Variants in TMED3 observed in about 807,000 individuals in gnomAD.
The protein encoded by TMED3 is transmembrane p24 trafficking protein 3, also known as transmembrane emp24 domain-containing protein 3.
In TMED3, 9 loss-of-function variants were observed where a neutral mutation model predicts 15.0. The observed-to-expected ratio is 0.60, with a 90% CI of 0.36 to 1.04. The LOEUF (loss-of-function observed/expected upper bound fraction) is 1.04, where lower values mean the gene tolerates loss of function less well. TMED3 is among the 50% of genes least tolerant of loss of function. The pLI is 0.01. For synonymous variants in TMED3, 117 were observed against 121.4 expected (o/e 0.96, Z 0.24); for missense variants, 267 against 278.9 (o/e 0.96, Z 0.30).
chr15:79,313,467 T>C (rs2058726024), intron 1 of TMED3, among the ~76,000 whole-genome samples: 1 of 152,210 alleles, frequency 6.6e-6, no homozygotes, highest in South Asian at 2.1e-4. Flanking sequence ...CAGTTTCTTC[T>C]TCTGTAAAAT....
rs370013859 is a variant in TMED3 at position 79,311,266 on chromosome 15, C to G, written c.17C>G (p.Pro6Arg). 6.2e-7 allele frequency: 1 copy of G among 1,602,454 alleles called. No individual in the cohort carries two copies. Among genetic ancestry groups the G allele is most frequent in the African/African-American group, 1.3e-5 (1 of 74,634 alleles). Residue 6 changes from proline (P) to arginine (R), a missense_variant, in exon 1 of 3, where the codon CCG becomes CGG. By Grantham distance (103) the Pro-to-Arg change is moderately radical. Coordinates refer to ENST00000299705, the MANE Select transcript of TMED3 (RefSeq NM_007364.4). ...GAGAGCATCATGGGCAGCACTGTCC[C>G]GCGCTCCGCCTCCGTGCTGCTTCTG... MGSTV[P>R]RSASVLLLLL...
chr15:79,372,341 T>C (rs1046981080), intron 2 of TMED3, among the ~76,000 whole-genome samples: 1 of 152,198 alleles, frequency 6.6e-6, no homozygotes, highest in Non-Finnish European at 1.5e-5. Context: ...ACTTTTATTG[T>C]TCTAAGGTCC....
At chr15:79,400,067 T>C (rs947988665) in intron 2 of TMED3, among the ~76,000 whole-genome samples, 1 of 152,182 alleles carries the variant, frequency 6.6e-6, no homozygotes, top group African/African-American at 2.4e-5. Context: ...CTTCTGCCTT[T>C]CTCTCCAGCC....
chr15:79,390,484 C>T (rs552206978), intron 2 of TMED3, among the ~76,000 whole-genome samples: 8 of 151,990 alleles, frequency 5.3e-5, no homozygotes, highest in African/African-American at 1.7e-4. Flanking sequence ...TTGTTGGATT[C>T]GTTAGCTAGT....
At chr15:79,413,677 C>T (rs1024330377) in exon 3 of TMED3, 30 of 152,170 alleles carry the variant, frequency 2.0e-4, no homozygotes, top group African/African-American at 7.2e-4. Flanking sequence ...CTTTACATAG[C>T]TCTTGTTCAA....
chr15:79,358,730 C>T (rs1336906895), intron 2 of TMED3, among the ~76,000 whole-genome samples: 1 of 152,206 alleles, frequency 6.6e-6, no homozygotes, highest in Admixed American at 6.5e-5. Context: ...TTCTTATTTG[C>T]CTGATGCTTA....
intron 2 of TMED3, among the ~76,000 whole-genome samples, chr15:79,352,737 C>A (rs1342143993): frequency 3.5e-5 from 5 of 141,200 alleles, no homozygotes; most frequent in Non-Finnish European, 6.1e-5. Context: ...GGTACTCTTG[C>A]TAGTTCTAAT....
At chr15:79,392,449 T>G (rs1893709175) in intron 2 of TMED3, among the ~76,000 whole-genome samples, 1 of 152,194 alleles carries the variant, frequency 6.6e-6, no homozygotes, top group African/African-American at 2.4e-5. Flanking sequence ...CCTTCTAGCT[T>G]GTAGGGTTTC....
chr15:79,387,880 ATTTTCTG>A (rs1270915419), intron 2 of TMED3, among the ~76,000 whole-genome samples: 7 of 151,910 alleles, frequency 4.6e-5, no homozygotes, highest in African/African-American at 1.7e-4. Context: ...TTAAATTTTC[ATTTTCTG>A]TTTGTTGCTG....
chr15:79,386,686 G>T lies in TMED3; in HGVS notation c.418-24714G>T, dbSNP rs192959482. Among the ~76,000 whole-genome samples the T allele has an allele frequency of 5.9e-4, 88 of 148,930 alleles. 1 individual carries two copies. Among genetic ancestry groups the T allele is most frequent in the Middle Eastern group, 6.9e-3 (2 of 288 alleles). On this transcript the variant is annotated intron_variant, in intron 2 of 2. Coordinates refer to the TMED3 transcript ENST00000424155. ...CCCGAGTAGCTGGGATTACAGGTGT[G>T]GGCCACCATGCCTGGCTATTTTTTT...
intron 2 of TMED3, among the ~76,000 whole-genome samples, chr15:79,336,340 G>A (rs979254193): frequency 6.6e-6 from 1 of 152,170 alleles, no homozygotes; most frequent in Non-Finnish European, 1.5e-5. Flanking sequence ...CTGGATCTGG[G>A]GGTGTCTTGA....
chr15:79,331,845 A>G (rs937323930), intron 2 of TMED3, among the ~76,000 whole-genome samples: 1 of 152,190 alleles, frequency 6.6e-6, no homozygotes, highest in African/African-American at 2.4e-5. Context: ...CAAAACCACA[A>G]CAAGGTATCA....
intron 2 of TMED3, among the ~76,000 whole-genome samples, chr15:79,401,424 G>C (rs1893832280): frequency 6.6e-6 from 1 of 152,206 alleles, no homozygotes; most frequent in Admixed American, 6.5e-5. Flanking sequence ...AGATTTCCTA[G>C]ACCAGTGATT....
chr15:79,366,585 A>C (rs1474124429), intron 2 of TMED3, among the ~76,000 whole-genome samples: 12 of 152,208 alleles, frequency 7.9e-5, no homozygotes, highest in Admixed American at 7.9e-4. Flanking sequence ...TGAAGGAACT[A>C]AAGATTTTCC....
At chr15:79,312,814 T>C (rs950135569) in intron 1 of TMED3, among the ~76,000 whole-genome samples, 3 of 152,322 alleles carry the variant, frequency 2.0e-5, no homozygotes, top group Admixed American at 6.5e-5. Context: ...TGTTAATAGC[T>C]ACTTGACCCA....
At chr15:79,353,164 T>TA in intron 2 of TMED3, among the ~76,000 whole-genome samples, 3 of 65,378 alleles carry the variant, frequency 4.6e-5, no homozygotes, top group African/African-American at 1.4e-4. Flanking sequence ...TATATATAAA[T>TA]ATATATACAT....
downstream of TMED3, among the ~76,000 whole-genome samples, chr15:79,326,642 A>G (rs1430981318): frequency 6.6e-6 from 1 of 152,256 alleles, no homozygotes; most frequent in African/African-American, 2.4e-5. Context: ...CACTTGTTGC[A>G]GATTCTAGGT....
exon 3 of TMED3, chr15:79,413,834 G>C (rs1038755890): frequency 1.3e-5 from 2 of 152,222 alleles, no homozygotes; most frequent in Non-Finnish European, 2.9e-5. Context: ...TTTGGTTATA[G>C]AACTGGATAC....
In TMED3 at chr15:79,311,115, C is replaced by T. The variant is rs927906082; in HGVS notation, c.-135C>T. 8.8e-6 allele frequency: 9 copies of T among 1,017,772 alleles called. No individual in the cohort carries two copies. The highest frequency in any genetic ancestry group is 1.2e-5 in the Non-Finnish European group (9 of 741,102). 63.0% of individuals were successfully genotyped at this position (1,017,772 alleles called of 1,614,324 possible). A position where few individuals can be genotyped will look rare whatever the true frequency, so the allele number is the denominator to read the frequency against. ...GGCTGCGCACTGAGCCGCCGGCCCTCCCGGAAGCGCAGAGCTCCGCTGGTG... is the reference window on the plus strand; with the variant it reads ...GGCTGCGCACTGAGCCGCCGGCCCTTCCGGAAGCGCAGAGCTCCGCTGGTG... On this transcript the variant is annotated 5_prime_UTR_variant, in exon 1 of 3. Coordinates refer to ENST00000299705, the MANE Select transcript of TMED3 (RefSeq NM_007364.4).
Sources: gnomAD v4.1 joint callset for allele counts (sites outside exome capture counted in the v4.1 genomes callset) on GRCh38, gnomAD v4.1.1 for gene constraint, MANE v1.5 for transcripts, NCBI Gene and HGNC (gene_info 2026-07-23, HGNC 2026-07-21) for gene names.